The following DCC variants were observed in gnomAD, a reference collection of about 807,000 sequenced individuals.
The protein encoded by DCC is netrin receptor DCC.
A neutral mutation model predicts 172.5 loss-of-function variants in DCC; 58 were observed. The observed-to-expected ratio is 0.34, with a 90% CI of 0.27 to 0.42. The LOEUF is 0.42. Among genes scored for constraint, DCC ranks in the 10% least tolerant of loss-of-function variants. DCC has a pLI of 1.00. For missense variants in DCC, 1,740 were observed against 1,791.0 expected, an observed-to-expected ratio of 0.97 and a Z score of 0.51; for synonymous variants, 709 against 644.5, an observed-to-expected ratio of 1.10 and a Z score of -1.52.
chr18:53,230,840 A>T (rs974205723), intron 12 of DCC, among the ~76,000 whole-genome samples: 9 of 151,998 alleles, frequency 5.9e-5, no homozygotes, highest in African/African-American at 1.2e-4. Context: ...ATTTTTCTCT[A>T]TAGTTGATAG....
chr18:53,481,661 A>C (rs2045833319), intron 25 of DCC, among the ~76,000 whole-genome samples: 1 of 152,196 alleles, frequency 6.6e-6, no homozygotes, highest in South Asian at 2.1e-4. Flanking sequence ...CGTCTCCTCA[A>C]CAAATCTCTC....
At position 52,370,373 on chromosome 18, in the gene DCC, T is replaced by C. The variant is rs184988550; in HGVS notation, c.91+29495T>C. The stretch of plus-strand genomic sequence containing the variant: ...CTGGATAAAGAAAATGTGGTACATA[T>C]ACACCATGGAATAAAAGGAACAAGA... On this transcript the variant is annotated intron_variant, in intron 1 of 28. Coordinates refer to ENST00000442544, the MANE Select transcript of DCC (RefSeq NM_005215.4). 9.1e-4 allele frequency among the ~76,000 whole-genome samples: 138 copies of C among 152,264 alleles called. 3 individuals carry two copies. In the South Asian group the frequency reaches 0.016, roughly 17 times the overall value.
chr18:52,585,579 C>G (rs567212801), intron 1 of DCC, among the ~76,000 whole-genome samples: 5 of 152,078 alleles, frequency 3.3e-5, no homozygotes, highest in Non-Finnish European at 5.9e-5. Context: ...AAGGTAAGCC[C>G]CTGATGTGAA....
chr18:53,008,794 A>G (rs1344170300), intron 5 of DCC, among the ~76,000 whole-genome samples: 1 of 151,990 alleles, frequency 6.6e-6, no homozygotes, highest in Non-Finnish European at 1.5e-5. Context: ...AAAAGGTACT[A>G]ATTTTGATTT....
At chr18:53,115,746 A>T (rs1216717054) in intron 7 of DCC, among the ~76,000 whole-genome samples, 1 of 151,638 alleles carries the variant, frequency 6.6e-6, no homozygotes, top group African/African-American at 2.4e-5. Flanking sequence ...ACATTTGGTT[A>T]TTTGGCATTA....
intron 1 of DCC, among the ~76,000 whole-genome samples, chr18:52,385,316 C>CTGTTTTCTGGTTG (rs1985750951): frequency 6.6e-6 from 1 of 151,364 alleles, no homozygotes; most frequent in African/African-American, 2.4e-5. Context: ...TGTTCTAGTA[C>CTGTTTTCTGGTTG]CCAGGCTGGA....
intron 7 of DCC, among the ~76,000 whole-genome samples, chr18:53,089,549 A>C (rs973293507): frequency 1.3e-5 from 2 of 151,788 alleles, no homozygotes; most frequent in Non-Finnish European, 2.9e-5. Context: ...AATGTAATCC[A>C]GGATGGACTT....
chr18:53,280,725 C>G (rs1012121104), intron 12 of DCC, among the ~76,000 whole-genome samples: 3 of 151,984 alleles, frequency 2.0e-5, no homozygotes, highest in African/African-American at 7.2e-5. Context: ...CTGAATGTAA[C>G]CACTATGAAA....
chr18:52,391,326 C>A (rs1183137230), intron 1 of DCC, among the ~76,000 whole-genome samples: 1 of 152,034 alleles, frequency 6.6e-6, no homozygotes, highest in Non-Finnish European at 1.5e-5. Flanking sequence ...TATCTAAAAT[C>A]AGACTGTGTG....
At chr18:52,709,717 T>C (rs942907954) in intron 1 of DCC, among the ~76,000 whole-genome samples, 2 of 152,226 alleles carry the variant, frequency 1.3e-5, no homozygotes, top group Non-Finnish European at 2.9e-5. Flanking sequence ...GGAGGAATCA[T>C]TATGCAGCAA....
intron 5 of DCC, among the ~76,000 whole-genome samples, chr18:52,942,666 T>C (rs1267066632): frequency 1.3e-5 from 2 of 152,138 alleles, no homozygotes; most frequent in Non-Finnish European, 2.9e-5. Flanking sequence ...GTAAGACTTA[T>C]TCACTACCGT....
intron 16 of DCC, among the ~76,000 whole-genome samples, chr18:53,388,920 G>C (rs963028708): frequency 6.6e-6 from 1 of 152,048 alleles, no homozygotes. Context: ...GGGTAGCTGG[G>C]ACTGCAGGTG....
intron 12 of DCC, among the ~76,000 whole-genome samples, chr18:53,292,283 T>C (rs2057014458): frequency 6.6e-6 from 1 of 152,182 alleles, no homozygotes; most frequent in South Asian, 2.1e-4. Flanking sequence ...ATAGAAACCA[T>C]ATATGGTTAC....
At chr18:53,212,921 C>G (rs2055780560) in intron 11 of DCC, among the ~76,000 whole-genome samples, 1 of 152,252 alleles carries the variant, frequency 6.6e-6, no homozygotes, top group Admixed American at 6.5e-5. Flanking sequence ...AGCCACCTCC[C>G]TCGGGCTCCC....
chr18:52,402,554 C>T (rs889243884), intron 1 of DCC, among the ~76,000 whole-genome samples: 15 of 152,038 alleles, frequency 9.9e-5, no homozygotes, highest in African/African-American at 3.4e-4. Context: ...GTTGGCTTCA[C>T]TTCCAAATCT....
intron 13 of DCC, among the ~76,000 whole-genome samples, chr18:53,308,936 T>G (rs1014779649): frequency 6.6e-6 from 1 of 152,202 alleles, no homozygotes. Context: ...CTGCTGGGGT[T>G]ACCGGCAGTC....
intron 7 of DCC, among the ~76,000 whole-genome samples, chr18:53,076,977 A>C (rs1462006560): frequency 6.6e-6 from 1 of 152,128 alleles, no homozygotes; most frequent in Non-Finnish European, 1.5e-5. Flanking sequence ...CCTTTATGCC[A>C]CCATTGGATG....
chr18:52,615,283 T>C (rs1337254194), intron 1 of DCC, among the ~76,000 whole-genome samples: 1 of 152,194 alleles, frequency 6.6e-6, no homozygotes, highest in Admixed American at 6.5e-5. Flanking sequence ...TAACTCTTTC[T>C]GTCCTGCCCT....
intron 7 of DCC, among the ~76,000 whole-genome samples, chr18:53,134,318 A>G (rs562666011): frequency 2.0e-4 from 31 of 152,248 alleles, no homozygotes; most frequent in African/African-American, 7.5e-4. Context: ...AGTTTTATAT[A>G]ATCTATGCAT....
Sources: gnomAD v4.1 joint callset for allele counts (sites outside exome capture counted in the v4.1 genomes callset) on GRCh38, gnomAD v4.1.1 for gene constraint, MANE v1.5 for transcripts, NCBI Gene and HGNC (gene_info 2026-07-23, HGNC 2026-07-21) for gene names.